Variants in UBAC1 observed in about 807,000 individuals in gnomAD.
The protein encoded by UBAC1 is UBA domain containing 1, also known as ubiquitin-associated domain-containing protein 1.
A neutral mutation model predicts 45.9 loss-of-function variants in UBAC1; 27 were observed. The ratio of observed to expected loss-of-function variants is 0.59; its 90% CI spans 0.43 to 0.81. The LOEUF is 0.81. UBAC1 is among the 30% of genes least tolerant of loss of function. The pLI, the probability that UBAC1 is intolerant of heterozygous loss-of-function variation, is 0.00. For synonymous variants in UBAC1, 227 were observed against 215.5 expected (o/e 1.05, Z -0.47); for missense variants, 529 against 539.2 (o/e 0.98, Z 0.19).
At chr9:135,954,269 G>A (rs1160091100) in intron 2 of UBAC1, among the ~76,000 whole-genome samples, 1 of 151,768 alleles carries the variant, frequency 6.6e-6, no homozygotes, top group Non-Finnish European at 1.5e-5. Context: ...AACATGGCGA[G>A]ACCCCATCTC....
At chr9:135,942,232 C>A (rs1839278794) in intron 7 of UBAC1, 1 of 152,230 alleles carries the variant, frequency 6.6e-6, no homozygotes, top group South Asian at 2.1e-4. Flanking sequence ...AGGGACCCAG[C>A]TGGAGAGTGA....
intron 2 of UBAC1, 108 bp from the exon 3 acceptor site, chr9:135,953,861 G>C: frequency 1.2e-6 from 1 of 862,838 alleles, no homozygotes; most frequent in Non-Finnish European, 1.7e-6. Context: ...GGATTCGGCC[G>C]GGCGCAGTGG....
In UBAC1 at chr9:135,935,598, C is replaced by T. The variant is rs148103016; in HGVS notation, c.1103-2083G>A. On this transcript the variant is annotated intron_variant, in intron 9 of 9. Transcript: ENST00000371756. The stretch of plus-strand genomic sequence containing the variant: ...AGTAAGCTGTGATTGTACCACTGCA[C>T]TCCAGCCTGGGTGACAGATCAAGAC... Among the ~76,000 whole-genome samples the T allele has an allele frequency of 5.9e-3, 901 of 152,298 alleles. 9 individuals are homozygous for T. Among genetic ancestry groups the T allele is most frequent in the African/African-American group, 0.02 (820 of 41,544 alleles).
chr9:135,948,280 C>T (rs1839362954), intron 3 of UBAC1, among the ~76,000 whole-genome samples: 1 of 152,182 alleles, frequency 6.6e-6, no homozygotes, highest in Non-Finnish European at 1.5e-5. Flanking sequence ...TCTGCTCCTT[C>T]TGGAAGCTCC....
chr9:135,952,229 G>C (rs965826577), intron 3 of UBAC1, among the ~76,000 whole-genome samples: 2 of 152,230 alleles, frequency 1.3e-5, no homozygotes, highest in Non-Finnish European at 2.9e-5. Context: ...GGTACCCATG[G>C]TCCCAGATGA....
intron 7 of UBAC1, 56 bp from the exon 8 acceptor site, chr9:135,939,815 G>C: frequency 1.3e-6 from 2 of 1,518,158 alleles, no homozygotes; most frequent in Non-Finnish European, 1.8e-6. Flanking sequence ...CGAGGAACCA[G>C]TGACCTGCGT....
chr9:135,954,854 T>C (rs1208608193), intron 2 of UBAC1, among the ~76,000 whole-genome samples: 1 of 152,200 alleles, frequency 6.6e-6, no homozygotes, highest in Non-Finnish European at 1.5e-5. Context: ...ACTTCCACAA[T>C]TAAAGGCATT....
At chr9:135,934,548 TA>T (rs1423243098) in intron 9 of UBAC1, among the ~76,000 whole-genome samples, 12 of 152,168 alleles carry the variant, frequency 7.9e-5, no homozygotes, top group African/African-American at 2.7e-4. Context: ...TAATCCCAGC[TA>T]CTCGGAAGGC....
chr9:135,960,812 G>C (rs1183164129), intron 1 of UBAC1, among the ~76,000 whole-genome samples: 2 of 152,182 alleles, frequency 1.3e-5, no homozygotes, highest in African/African-American at 2.4e-5. Context: ...GAAAGGCCAG[G>C]CCCGGGACGA....
At chr9:135,953,143 A>AG (rs1839427237) in intron 3 of UBAC1, among the ~76,000 whole-genome samples, 1 of 152,188 alleles carries the variant, frequency 6.6e-6, no homozygotes, top group Non-Finnish European at 1.5e-5. Flanking sequence ...ACTCAGAGGC[A>AG]GGTTTTCCGT....
At chr9:135,960,832 G>A (rs975552066) in intron 1 of UBAC1, among the ~76,000 whole-genome samples, 193 bp downstream of exon 1, 2 of 152,190 alleles carry the variant, frequency 1.3e-5, no homozygotes, top group East Asian at 1.9e-4. Flanking sequence ...AGCGTCCAGA[G>A]GTGTGGGATC....
intron 1 of UBAC1, among the ~76,000 whole-genome samples, chr9:135,960,431 G>A (rs1263869290): frequency 6.6e-6 from 1 of 152,136 alleles, no homozygotes; most frequent in African/African-American, 2.4e-5. Context: ...GTCCCGCAGC[G>A]GCACTATTTC....
intron 4 of UBAC1, among the ~76,000 whole-genome samples, chr9:135,946,598 G>A (rs187555369): frequency 1.6e-4 from 24 of 152,342 alleles, no homozygotes; most frequent in Admixed American, 8.5e-4. Flanking sequence ...GCCTGGTGAC[G>A]GTCACTCAGT....
chr9:135,937,086 A>G (rs577508648), intron 9 of UBAC1, among the ~76,000 whole-genome samples: 1 of 152,334 alleles, frequency 6.6e-6, no homozygotes, highest in East Asian at 1.9e-4. Context: ...CTTCAAGATC[A>G]GGGCACGGCC....
chr9:135,938,289 A>G lies in UBAC1; in HGVS notation c.1035T>C (p.Pro345=). The stretch of plus-strand genomic sequence containing the variant: ...GGTTATCCAGGATGGCCTGAAAGAG[A>G]GGACTGTCGGGGTCGATGCCCTTGT... ...ELDKGIDPDS[P]LFQAILDNPV... The change falls in exon 9 of 10, where the codon CCT becomes CCC. Residue 345 remains proline, a synonymous_variant. Coordinates refer to ENST00000371756, the MANE Select transcript of UBAC1 (RefSeq NM_016172.3). 1 of 1,614,148 alleles carries G rather than the reference A, an allele frequency of 6.2e-7. No individual in the cohort carries two copies. Among genetic ancestry groups the G allele is most frequent in the Non-Finnish European group, 8.5e-7 (1 of 1,180,020 alleles).
intron 3 of UBAC1, chr9:135,948,184 C>T (rs1424906209): frequency 8.2e-6 from 3 of 366,530 alleles, no homozygotes; most frequent in Non-Finnish European, 1.5e-5. Context: ...ACACAGGGAC[C>T]GTGGCAGGGC....
In UBAC1 at chr9:135,933,608, A is replaced by G. The variant is rs1199170573; in HGVS notation, c.1103-93T>C. 3 of 884,688 alleles carry G rather than the reference A, an allele frequency of 3.4e-6. No homozygotes were observed. The African/African-American group carries it at 4.9e-5, about 15-fold the overall frequency. The allele number at this position is 884,688 out of a possible 1,614,324, so 54.8% of individuals were successfully genotyped here. On this transcript the variant is annotated intron_variant, in intron 9 of 9. Coordinates refer to ENST00000371756, the MANE Select transcript of UBAC1 (RefSeq NM_016172.3). ...TTCCTCTTCGGCAGCTTCCTAATGA[A>G]GAGGGTGCGTCTCCAATACAAAGGC...
rs201652411 is a variant in UBAC1 at position 135,947,755 on chromosome 9, C to T, written c.441+43G>A. The T allele has an allele frequency of 7.0e-4, 1,083 of 1,549,126 alleles. 1 individual carries two copies. Among genetic ancestry groups the T allele is most frequent in the Non-Finnish European group, 8.9e-4 (1,005 of 1,134,516 alleles). On this transcript the variant is annotated intron_variant, in intron 4 of 9. Coordinates refer to ENST00000371756, the MANE Select transcript of UBAC1 (RefSeq NM_016172.3). ...AACCCCCCCACAGCAATCCCCCACA[C>T]GGGGACCCCATGCACCCGCCGCCGC...
At chr9:135,958,003 T>C (rs1308605805) in intron 1 of UBAC1, among the ~76,000 whole-genome samples, 2 of 151,210 alleles carry the variant, frequency 1.3e-5, no homozygotes, top group Admixed American at 1.3e-4. Context: ...ATTTCATGAA[T>C]GTTTACGACA....
Sources: allele counts gnomAD v4.1 joint callset (sites outside exome capture counted in the v4.1 genomes callset), GRCh38; gene constraint gnomAD v4.1.1; transcripts MANE v1.5; gene names NCBI Gene and HGNC (gene_info 2026-07-23, HGNC 2026-07-21).